The following SPRR2G variants were observed in gnomAD, a reference collection of about 807,000 sequenced individuals.
The protein encoded by SPRR2G is small proline rich protein 2G, also known as small proline-rich protein 2G.
Under a neutral mutation model 0.7 loss-of-function variants are expected in SPRR2G, and 1 was observed. The ratio of observed to expected loss-of-function variants is 1.49; its 90% CI spans 0.53 to 7.06. The LOEUF is 7.06. SPRR2G is among the 30% of genes most tolerant of loss of function. The probability of loss-of-function intolerance (pLI) is 0.14; values close to 1 mark genes in which losing one functional copy is unlikely to be tolerated. For missense variants in SPRR2G, 96 were observed against 88.5 expected (o/e 1.09, Z -0.34); for synonymous variants, 38 against 33.9 (o/e 1.12, Z -0.42).
the SPRR2G span, among the ~76,000 whole-genome samples, chr1:153,156,201 A>G: frequency 6.6e-6 from 1 of 152,230 alleles, no homozygotes; most frequent in African/African-American, 2.4e-5. Context: ...GACTAGAAAA[A>G]AATAACATTT....
At position 153,149,614 on chromosome 1, in the gene SPRR2G, G is replaced by T; in HGVS notation, c.*275C>A. ...GACCATGAAACATGTGCTTTATTGG[G>T]GAGAAGCAAAAGAATAAACACACTT... On this transcript the variant is annotated 3_prime_UTR_variant, in exon 2 of 2. Coordinates refer to ENST00000368748, the MANE Select transcript of SPRR2G (RefSeq NM_001014291.4). 1.9e-6 allele frequency: 1 copy of T among 523,262 alleles called. No homozygotes were observed. The highest frequency in any genetic ancestry group is 1.9e-5 in the African/African-American group (1 of 52,414). 32.4% of individuals were successfully genotyped at this position (523,262 alleles called of 1,614,324 possible).
chr1:153,178,994 A>C, the SPRR2G span, among the ~76,000 whole-genome samples: 1 of 152,214 alleles, frequency 6.6e-6, no homozygotes, highest in Non-Finnish European at 1.5e-5. Flanking sequence ...TGAGAGGAAC[A>C]GAACCAGTTG....
In SPRR2G at chr1:153,150,139, A is replaced by C; in HGVS notation, c.-21-8T>G. The C allele has an allele frequency of 6.2e-7, 1 of 1,610,654 alleles. No individual in the cohort carries two copies. Among genetic ancestry groups the C allele is most frequent in the South Asian group, 1.1e-5 (1 of 90,978 alleles). ...TCCTCAGTCTCAGAGAATCTGAAAG[A>C]TACATACGAAACAGTGCTCATAAGA... On this transcript the variant is annotated splice_polypyrimidine_tract_variant and splice_region_variant and intron_variant, in intron 1 of 1. Coordinates refer to ENST00000368748, the MANE Select transcript of SPRR2G (RefSeq NM_001014291.4).
the SPRR2G span, among the ~76,000 whole-genome samples, chr1:153,170,308 T>C: frequency 6.6e-6 from 1 of 152,198 alleles, no homozygotes; most frequent in Non-Finnish European, 1.5e-5. Flanking sequence ...CACAAATTTC[T>C]AGAATTTTAA....
At chr1:153,176,332 C>T in the SPRR2G span, 1 of 152,096 alleles carries the variant, frequency 6.6e-6, no homozygotes, top group Admixed American at 6.6e-5. Context: ...TGTTACTCAC[C>T]CATGTATTTA....
the SPRR2G span, among the ~76,000 whole-genome samples, chr1:153,170,738 C>A: frequency 1.3e-5 from 2 of 152,156 alleles, no homozygotes; most frequent in Non-Finnish European, 2.9e-5. Context: ...GACCCACATA[C>A]CAGGCCCCTC....
At chr1:153,187,782 T>C in the SPRR2G span, among the ~76,000 whole-genome samples, 2 of 152,070 alleles carry the variant, frequency 1.3e-5, no homozygotes, top group African/African-American at 2.4e-5. Context: ...AGAAGAGGCA[T>C]TCTTGGTTTT....
At chr1:153,191,129 T>C in the SPRR2G span, 7 of 152,438 alleles carry the variant, frequency 4.6e-5, no homozygotes, top group African/African-American at 1.7e-4. Flanking sequence ...TCTCAGTCTC[T>C]GATTTCAGCT....
the SPRR2G span, among the ~76,000 whole-genome samples, chr1:153,187,438 T>C: frequency 6.6e-6 from 1 of 152,110 alleles, no homozygotes; most frequent in Non-Finnish European, 1.5e-5. Flanking sequence ...TCATGCTTTA[T>C]TTCATTAAGT....
At chr1:153,165,469 C>T in the SPRR2G span, among the ~76,000 whole-genome samples, 1 of 152,116 alleles carries the variant, frequency 6.6e-6, no homozygotes, top group Non-Finnish European at 1.5e-5. Context: ...CCCTTTCTGA[C>T]TTCATTTTCC....
chr1:153,167,178 A>G, the SPRR2G span, among the ~76,000 whole-genome samples: 803 of 152,328 alleles, frequency 5.3e-3, 11 homozygotes, highest in Middle Eastern at 0.02. Context: ...GTTTTGGAAA[A>G]AAAATAAAAT....
the SPRR2G span, among the ~76,000 whole-genome samples, chr1:153,177,818 A>G: frequency 6.6e-6 from 1 of 152,060 alleles, no homozygotes; most frequent in South Asian, 2.1e-4. Context: ...AAACTTTTCT[A>G]GATTCTTTGA....
At chr1:153,187,364 A>G in the SPRR2G span, among the ~76,000 whole-genome samples, 1 of 152,050 alleles carries the variant, frequency 6.6e-6, no homozygotes, top group African/African-American at 2.4e-5. Flanking sequence ...CTCTTTTCAC[A>G]TAGTCCCATA....
In SPRR2G at chr1:153,149,926, G is replaced by A. The variant is rs879736900; in HGVS notation, c.185C>T (p.Pro62Leu). The A allele has an allele frequency of 6.2e-7, 1 of 1,614,058 alleles. No individual in the cohort carries two copies. The highest frequency in any genetic ancestry group is 8.5e-7 in the Non-Finnish European group (1 of 1,180,014). ...GGGTGGATACTTCTGCTGGCAGGGT[G>A]GGTATGGTTGCACAGGAGGGCATTT... ...QDKCPPVQPY[P>L]PCQQKYPPKS... The change falls in exon 2 of 2, where the codon CCA (proline) becomes CTA (leucine). Residue 62 changes from proline to leucine, a missense_variant. By Grantham distance (98) the Pro-to-Leu change is moderately conservative (BLOSUM62 -3). Transcript: ENST00000368748.
the SPRR2G span, among the ~76,000 whole-genome samples, chr1:153,196,383 G>A: frequency 2.0e-5 from 3 of 152,178 alleles, no homozygotes; most frequent in African/African-American, 7.2e-5. Context: ...TGTTGAATAA[G>A]GCAGAATTTC....
chr1:153,161,839 T>C, the SPRR2G span, among the ~76,000 whole-genome samples: 9 of 152,336 alleles, frequency 5.9e-5, no homozygotes, highest in Middle Eastern at 3.4e-3. Flanking sequence ...ACTTTGAGAA[T>C]CTTCACATCA....
the SPRR2G span, among the ~76,000 whole-genome samples, chr1:153,163,604 C>A: frequency 6.6e-6 from 1 of 151,606 alleles, no homozygotes; most frequent in Non-Finnish European, 1.5e-5. Context: ...CTTTTTGGAG[C>A]CTAAAAATGC....
At chr1:153,201,499 G>T in the SPRR2G span, among the ~76,000 whole-genome samples, 4 of 152,194 alleles carry the variant, frequency 2.6e-5, no homozygotes, top group Admixed American at 2.6e-4. Flanking sequence ...CTGAACATAG[G>T]TGAGGCTGGG....
chr1:153,177,957 T>C, the SPRR2G span, among the ~76,000 whole-genome samples: 1 of 152,176 alleles, frequency 6.6e-6, no homozygotes, highest in East Asian at 1.9e-4. Context: ...AATAGTGTGT[T>C]ATCCAATATG....
Sources: allele counts gnomAD v4.1 joint callset (sites outside exome capture counted in the v4.1 genomes callset), GRCh38; gene constraint gnomAD v4.1.1; transcripts MANE v1.5; gene names NCBI Gene and HGNC (gene_info 2026-07-23, HGNC 2026-07-21).